The following KATNIP variants were observed in gnomAD, a reference collection of about 807,000 sequenced individuals.
KATNIP encodes katanin interacting protein, also known as katanin-interacting protein.
Under a neutral mutation model 174.0 loss-of-function variants are expected in KATNIP, and 126 were observed. That is an observed-to-expected ratio of 0.72 (90% CI 0.63 to 0.84). The LOEUF is 0.84. Among genes scored for constraint, KATNIP ranks in the 40% least tolerant of loss-of-function variants. The probability of loss-of-function intolerance (pLI) is 0.00; values close to 1 mark genes in which losing one functional copy is unlikely to be tolerated. For missense variants in KATNIP, 1,958 were observed against 2,109.7 expected (o/e 0.93, Z 1.41); for synonymous variants, 810 against 835.7 (o/e 0.97, Z 0.53).
intron 2 of KATNIP, among the ~76,000 whole-genome samples, chr16:27,586,258 C>A (rs978405524): frequency 1.3e-5 from 2 of 152,014 alleles, no homozygotes; most frequent in African/African-American, 4.8e-5. Context: ...AATATATACA[C>A]CCATTATGTA....
chr16:27,776,957 G>A lies in KATNIP; in HGVS notation c.4479G>A (p.Leu1493=). ...LVNRVYVIFD[L]PTTVSMIKLW... is the part of the protein sequence containing the mutation. ...ACCGGGTTTATGTGATTTTCGATCTGCCTACCACCGTGTCAATGATCAAAC... is the reference window on the plus strand; with the variant it reads ...ACCGGGTTTATGTGATTTTCGATCTACCTACCACCGTGTCAATGATCAAAC... Residue 1493 remains leucine, a synonymous_variant, in exon 25 of 28, where the codon CTG becomes CTA. Coordinates refer to ENST00000261588, the MANE Select transcript of KATNIP (RefSeq NM_015202.5). The surrounding 1 kb of genome is among the most constrained non-coding windows in gnomAD (Gnocchi z 4.7). The A allele has an allele frequency of 6.2e-7, 1 of 1,613,712 alleles. No individual in the cohort carries two copies. Among genetic ancestry groups the A allele is most frequent in the South Asian group, 1.1e-5 (1 of 91,060 alleles).
intron 21 of KATNIP, among the ~76,000 whole-genome samples, chr16:27,770,322 A>C (rs533296687): frequency 5.3e-5 from 8 of 152,322 alleles, no homozygotes; most frequent in African/African-American, 1.9e-4. Context: ...CCTGCCGGCC[A>C]GTTTGGGGAA....
rs948591926 is a variant in KATNIP at position 27,776,617 on chromosome 16, C to T, written c.4450-311C>T. On this transcript the variant is annotated intron_variant, in intron 24 of 27. Coordinates refer to ENST00000261588, the MANE Select transcript of KATNIP (RefSeq NM_015202.5). The surrounding 1 kb of genome is among the most constrained non-coding windows in gnomAD (Gnocchi z 4.7). ...GCTCTAGACTATTTCTGGGCCTGAC[C>T]TGAGGGGACGTGGGGGAGGGCCGAG... 6.6e-6 allele frequency among the ~76,000 whole-genome samples: 1 copy of T among 152,144 alleles called. No homozygotes were observed. The highest frequency in any genetic ancestry group is 1.5e-5 in the Non-Finnish European group (1 of 68,030).
chr16:27,764,090 A>G (rs1406475813), intron 19 of KATNIP, among the ~76,000 whole-genome samples: 1 of 152,226 alleles, frequency 6.6e-6, no homozygotes, highest in Non-Finnish European at 1.5e-5. Context: ...GGGTTGAAAA[A>G]TGGTGGTATT....
At chr16:27,572,783 C>T (rs961417992) in intron 1 of KATNIP, among the ~76,000 whole-genome samples, 2 of 152,186 alleles carry the variant, frequency 1.3e-5, no homozygotes, top group Non-Finnish European at 2.9e-5. Flanking sequence ...TGTCTTCTCC[C>T]ATACCATGAT....
At chr16:27,616,887 TAAAAAAAAAAAAAAAAAAAA>T (rs556687403) in intron 2 of KATNIP, among the ~76,000 whole-genome samples, 41 of 31,428 alleles carry the variant, frequency 1.3e-3, no homozygotes, top group Middle Eastern at 0.028. Flanking sequence ...CCATCTCTAC[TAAAAAAAAAAAAAAAAAAAA>T]AAAAAAAAAA....
intron 15 of KATNIP, among the ~76,000 whole-genome samples, chr16:27,748,613 T>C (rs577294184): frequency 6.7e-6 from 1 of 149,198 alleles, no homozygotes; most frequent in Non-Finnish European, 1.5e-5. Flanking sequence ...AATAGCATTT[T>C]TTTCTTGATG....
chr16:27,673,806 A>C (rs1597133441), intron 6 of KATNIP, among the ~76,000 whole-genome samples: 1 of 152,340 alleles, frequency 6.6e-6, no homozygotes, highest in East Asian at 1.9e-4. Context: ...ATGGATGTCA[A>C]GATGCAAGTC....
At chr16:27,666,575 A>G (rs986831036) in intron 6 of KATNIP, among the ~76,000 whole-genome samples, 1 of 151,888 alleles carries the variant, frequency 6.6e-6, no homozygotes, top group Non-Finnish European at 1.5e-5. Context: ...CCACCACCAC[A>G]CCCGGCTAAT....
chr16:27,749,694 G>C lies in KATNIP; in HGVS notation c.2734G>C (p.Gly912Arg). ...SLSAFDRSHR[G>R]RISNTELPGD... ...CAGTGCCTTCGACCGCTCCCACCGG[G>C]GACGCATCTCCAACACGGAGCTCCC... Residue 912 changes from glycine to arginine, a missense_variant, in exon 16 of 28, where the codon GGA (glycine) becomes CGA (arginine). By Grantham distance (125) the Gly-to-Arg change is moderately radical (BLOSUM62 -2). This residue lies in a region of KATNIP where 1,557 missense variants were observed against 1,617.8 expected (regional missense o/e 0.96). Transcript: ENST00000261588. The C allele has an allele frequency of 6.2e-7, 1 of 1,613,546 alleles. No individual in the cohort carries two copies. Among genetic ancestry groups the C allele is most frequent in the South Asian group, 1.1e-5 (1 of 90,904 alleles).
intron 6 of KATNIP, among the ~76,000 whole-genome samples, chr16:27,665,170 A>C (rs1723221745): frequency 7.0e-6 from 1 of 143,506 alleles, no homozygotes; most frequent in African/African-American, 2.6e-5. Flanking sequence ...TCTGTCACCC[A>C]GGTTGGTATG....
intron 3 of KATNIP, 72 bp from the exon 4 acceptor site, chr16:27,628,589 C>A: frequency 6.6e-7 from 1 of 1,515,838 alleles, no homozygotes; most frequent in Non-Finnish European, 9.1e-7. Flanking sequence ...CAGCAGTTCA[C>A]TCCTGGCTTG....
At chr16:27,739,543 C>G (rs891926431) in intron 14 of KATNIP, among the ~76,000 whole-genome samples, 6 of 152,200 alleles carry the variant, frequency 3.9e-5, no homozygotes, top group Non-Finnish European at 7.3e-5. Flanking sequence ...TTATGATGCC[C>G]ACGGAGGCCA....
rs773645889 is a variant in KATNIP at position 27,618,415 on chromosome 16, T to G, written c.64-10T>G. On this transcript the variant is annotated splice_polypyrimidine_tract_variant and intron_variant, in intron 2 of 27. Transcript: ENST00000261588. The stretch of plus-strand genomic sequence containing the variant: ...TTCCGATATCACACTGCTCTGTTTC[T>G]TCATTTCAGGGTTACGCTAAGGACA... 1 of 1,606,304 alleles carries G rather than the reference T, an allele frequency of 6.2e-7. No homozygotes were observed. The highest frequency in any genetic ancestry group is 8.5e-7 in the Non-Finnish European group (1 of 1,172,946).
At chr16:27,618,772 A>T (rs1325537158) in intron 3 of KATNIP, among the ~76,000 whole-genome samples, 1 of 152,232 alleles carries the variant, frequency 6.6e-6, no homozygotes, top group Non-Finnish European at 1.5e-5. Context: ...TAAGGTTGTC[A>T]AAAAAGGCTT....
chr16:27,618,376 A>G (rs2076100364), intron 2 of KATNIP, 49 bp from the exon 3 acceptor site: 8 of 1,428,770 alleles, frequency 5.6e-6, no homozygotes, highest in Non-Finnish European at 7.9e-6. Flanking sequence ...ACTCTCAGTC[A>G]GTGCTTCCCT....
intron 5 of KATNIP, among the ~76,000 whole-genome samples, chr16:27,633,245 C>T (rs1432517831): frequency 1.3e-5 from 2 of 152,014 alleles, no homozygotes; most frequent in Non-Finnish European, 2.9e-5. Context: ...CTTTTTATTT[C>T]TCAGCCCTGA....
chr16:27,640,148 C>T (rs2076749727), intron 5 of KATNIP, among the ~76,000 whole-genome samples: 1 of 152,196 alleles, frequency 6.6e-6, no homozygotes, highest in Non-Finnish European at 1.5e-5. Context: ...AATAAGCTGG[C>T]CTTGGGTTGC....
intron 2 of KATNIP, among the ~76,000 whole-genome samples, chr16:27,614,047 C>CTAGGACTACA (rs2075972873): frequency 6.6e-6 from 1 of 152,082 alleles, no homozygotes; most frequent in Non-Finnish European, 1.5e-5. Flanking sequence ...TCCCACATAG[C>CTAGGACTACA]TAGGACTACA....
Sources: allele counts gnomAD v4.1 joint callset (sites outside exome capture counted in the v4.1 genomes callset), GRCh38; gene constraint gnomAD v4.1.1; regional missense constraint gnomAD v4.1.1; non-coding constraint Gnocchi (gnomAD v3.1); transcripts MANE v1.5; gene names NCBI Gene and HGNC (gene_info 2026-07-23, HGNC 2026-07-21).